Variants in SERINC1 observed in about 807,000 individuals in gnomAD.
The protein encoded by SERINC1 is tumor differentially expressed protein 2.
SERINC1 carries 38 observed loss-of-function variants against 52.9 expected under a neutral mutation model. That is an observed-to-expected ratio of 0.72 (90% CI 0.55 to 0.94). SERINC1 has a LOEUF of 0.94. SERINC1 is among the 40% of genes least tolerant of loss of function. SERINC1 has a pLI of 0.00. For missense variants in SERINC1, 471 were observed against 533.9 expected, an observed-to-expected ratio of 0.88 and a Z score of 1.16; for synonymous variants, 198 against 183.1, an observed-to-expected ratio of 1.08 and a Z score of -0.66.
intron 5 of SERINC1, 55 bp downstream of exon 5, chr6:122,453,715 T>C: frequency 6.9e-7 from 1 of 1,452,632 alleles, no homozygotes; most frequent in Non-Finnish European, 9.3e-7. Context: ...TCTACATATC[T>C]ATTCTCGACT....
rs370876941 is a variant in SERINC1, at chr6:122,451,954, C to T, written c.693G>A (p.Ala231=). 33 of 1,598,248 alleles carry T rather than the reference C, an allele frequency of 2.1e-5. No individual in the cohort carries two copies. In the South Asian group the frequency reaches 2.6e-4, roughly 12 times the overall value. ...AGAGGAGCATGTTGACACTGATGAA[C>T]GCCTTGTTTTCTGAACAACTGGCTG... The part of the protein sequence containing the change: ...THPASCSENK[A]FISVNMLLCV... Residue 231 remains alanine (A), a synonymous_variant, in exon 6 of 10, where the codon GCG becomes GCA. Coordinates refer to ENST00000339697, the MANE Select transcript of SERINC1 (RefSeq NM_020755.4).
At chr6:122,457,304 G>C (rs893214068) in intron 2 of SERINC1, among the ~76,000 whole-genome samples, 7 of 152,144 alleles carry the variant, frequency 4.6e-5, no homozygotes, top group African/African-American at 1.7e-4. Flanking sequence ...TTAAGTAAGA[G>C]ATTTTGGCAG....
intron 1 of SERINC1, among the ~76,000 whole-genome samples, chr6:122,462,908 C>T (rs183981637): frequency 6.6e-6 from 1 of 152,306 alleles, no homozygotes; most frequent in East Asian, 1.9e-4. Flanking sequence ...TCTTTCCAAA[C>T]TTATCTATAG....
At chr6:122,445,375 G>A (rs544831460) in intron 9 of SERINC1, among the ~76,000 whole-genome samples, 196 bp from the exon 10 acceptor site, 2 of 152,110 alleles carry the variant, frequency 1.3e-5, no homozygotes, top group Non-Finnish European at 2.9e-5. Flanking sequence ...TTCCTTTAAT[G>A]GAGTAAAGTA....
At chr6:122,464,340 A>G (rs766865442) in intron 1 of SERINC1, among the ~76,000 whole-genome samples, 26 of 152,228 alleles carry the variant, frequency 1.7e-4, no homozygotes, top group Non-Finnish European at 3.4e-4. Context: ...GATCTAATAT[A>G]AGAAAAATTC....
At chr6:122,445,273 G>T in intron 9 of SERINC1, 94 bp from the exon 10 acceptor site, 1 of 1,226,490 alleles carries the variant, frequency 8.2e-7, no homozygotes, top group Non-Finnish European at 1.1e-6. Context: ...AGCGTGCTTT[G>T]TATACAGTTT....
In SERINC1 at chr6:122,446,941, T is replaced by C; in HGVS notation, c.1059A>G (p.Leu353=). ...KLTLTSDEST[L]IEDGGARSDG... is the part of the protein sequence containing the mutation. ...CACTTCTAGCTCCACCATCTTCTAT[T>C]AATGTAGATTCATCACTTGTTAGAG... The change falls in exon 9 of 10, where the codon TTA becomes TTG. Residue 353 remains leucine, a synonymous_variant. Transcript: ENST00000339697. 1 of 1,613,580 alleles carries C rather than the reference T, an allele frequency of 6.2e-7. No individual in the cohort carries two copies. Among genetic ancestry groups the C allele is most frequent in the Non-Finnish European group, 8.5e-7 (1 of 1,179,474 alleles).
chr6:122,471,583 GCACTCCC>G, intron 1 of SERINC1, 109 bp downstream of exon 1: 1 of 1,218,426 alleles, frequency 8.2e-7, no homozygotes, highest in Non-Finnish European at 1.2e-6. Flanking sequence ...GACAGAGAGG[GCACTCCC>G]TGTTGGGTGG....
At chr6:122,458,197 G>A (rs1460705724) in intron 2 of SERINC1, among the ~76,000 whole-genome samples, 1 of 151,972 alleles carries the variant, frequency 6.6e-6, no homozygotes, top group Non-Finnish European at 1.5e-5. Context: ...TACTCATTAT[G>A]CTTTCTATTT....
At chr6:122,460,955 A>G (rs1306616090) in intron 1 of SERINC1, among the ~76,000 whole-genome samples, 1 of 152,186 alleles carries the variant, frequency 6.6e-6, no homozygotes, top group African/African-American at 2.4e-5. Flanking sequence ...TATTGACAAG[A>G]CAGAAGAAAA....
chr6:122,456,887 CTTATT>C (rs891160445), intron 2 of SERINC1, among the ~76,000 whole-genome samples: 1 of 152,074 alleles, frequency 6.6e-6, no homozygotes, highest in Admixed American at 6.6e-5. Context: ...ATGCTGGTTG[CTTATT>C]TTGAGTTATA....
At chr6:122,462,793 A>G (rs1775126595) in intron 1 of SERINC1, among the ~76,000 whole-genome samples, 1 of 152,202 alleles carries the variant, frequency 6.6e-6, no homozygotes, top group Non-Finnish European at 1.5e-5. Context: ...CAAGATCTCA[A>G]ATAATGAAAA....
chr6:122,458,125 C>A (rs548974049), intron 2 of SERINC1, among the ~76,000 whole-genome samples: 2 of 152,104 alleles, frequency 1.3e-5, no homozygotes, highest in Admixed American at 1.3e-4. Flanking sequence ...GACTTTTATA[C>A]TTTATTAATT....
At position 122,446,678 on chromosome 6, in the gene SERINC1, G is replaced by A. The variant is rs1027277970; in HGVS notation, c.1226+96C>T. ...CTGTACATTTTGAAATATATCAGAG[G>A]ATAAAAAGTACTTCATATCACATCA... is the stretch of plus-strand genomic sequence containing the variant. On this transcript the variant is annotated intron_variant, in intron 9 of 9. Transcript: ENST00000339697. The A allele has an allele frequency of 1.2e-5, 9 of 758,932 alleles. No individual in the cohort carries two copies. The African/African-American group carries it at 1.4e-4, about 12-fold the overall frequency. 47.0% of individuals were successfully genotyped at this position (758,932 alleles called of 1,614,324 possible).
intron 1 of SERINC1, among the ~76,000 whole-genome samples, chr6:122,470,734 A>G (rs1775275158): frequency 1.3e-5 from 2 of 152,148 alleles, no homozygotes. Context: ...ATCATTTGGG[A>G]AGTCAGAAAA....
rs537714974 is a variant in SERINC1 at position 122,457,647 on chromosome 6, T to C, written c.201+873A>G. The stretch of plus-strand genomic sequence containing the variant: ...TTCTTTCAAAAATGTAAGATGGCCA[T>C]GTGTAAACCAGGAATAAGATCCTCA... On this transcript the variant is annotated intron_variant, in intron 2 of 9. Transcript: ENST00000339697. Among the ~76,000 whole-genome samples, 13 of 152,182 alleles carry C rather than the reference T, an allele frequency of 8.5e-5. 1 individual carries two copies. Among genetic ancestry groups the C allele is most frequent in the African/African-American group, 1.9e-4 (8 of 41,530 alleles).
chr6:122,451,415 G>A (rs779834656), intron 7 of SERINC1, among the ~76,000 whole-genome samples: 11 of 152,172 alleles, frequency 7.2e-5, no homozygotes, highest in Non-Finnish European at 1.6e-4. Context: ...GCTTTACTGT[G>A]ATGCTTGTTT....
At position 122,447,978 on chromosome 6, in the gene SERINC1, G is replaced by C. The variant is rs940174706; in HGVS notation, c.851-713C>G. On this transcript the variant is annotated intron_variant, in intron 7 of 9. Transcript: ENST00000339697. ...AAAATACAAAAATCAGCTGGGCGTGGTGGCATGTGCCTGTAGTCCCAGCTA... is the reference window on the plus strand; with the variant it reads ...AAAATACAAAAATCAGCTGGGCGTGCTGGCATGTGCCTGTAGTCCCAGCTA... Among the ~76,000 whole-genome samples the C allele has an allele frequency of 4.5e-4, 68 of 152,024 alleles. 1 individual carries two copies. Among genetic ancestry groups the C allele is most frequent in the African/African-American group, 1.6e-3 (68 of 41,364 alleles).
At chr6:122,446,415 T>C (rs1774803375) in intron 9 of SERINC1, among the ~76,000 whole-genome samples, 1 of 152,126 alleles carries the variant, frequency 6.6e-6, no homozygotes, top group African/African-American at 2.4e-5. Context: ...TTCAGAGCTT[T>C]TAATGACAGT....
Sources: allele counts gnomAD v4.1 joint callset (sites outside exome capture counted in the v4.1 genomes callset), GRCh38; gene constraint gnomAD v4.1.1; transcripts MANE v1.5; gene names NCBI Gene and HGNC (gene_info 2026-07-23, HGNC 2026-07-21).